The following UGT8 variants were observed in gnomAD, a reference collection of about 807,000 sequenced individuals.
The protein encoded by UGT8 is 2-hydroxyacylsphingosine 1-beta-galactosyltransferase.
UGT8 carries 12 observed loss-of-function variants against 40.5 expected under a neutral mutation model. The observed-to-expected ratio is 0.30, with a 90% CI of 0.19 to 0.48. The LOEUF (loss-of-function observed/expected upper bound fraction) is 0.48, where lower values mean the gene tolerates loss of function less well. Ranked by LOEUF, UGT8 falls within the 20% of genes least tolerant of loss-of-function variation. The pLI is 0.99. For missense variants in UGT8, 513 were observed against 648.7 expected, an observed-to-expected ratio of 0.79 and a Z score of 2.27; for synonymous variants, 224 against 240.4, an observed-to-expected ratio of 0.93 and a Z score of 0.63.
At chr4:114,670,594 G>C (rs1230898867) in intron 5 of UGT8, among the ~76,000 whole-genome samples, 1 of 151,974 alleles carries the variant, frequency 6.6e-6, no homozygotes, top group Non-Finnish European at 1.5e-5. Flanking sequence ...ATGCAGAAAA[G>C]CCTTTGATAA....
At chr4:114,661,818 T>C (rs916905718) in intron 2 of UGT8, among the ~76,000 whole-genome samples, 1 of 152,210 alleles carries the variant, frequency 6.6e-6, no homozygotes, top group Non-Finnish European at 1.5e-5. Flanking sequence ...TGAGATTTTT[T>C]CCTGAAGGAA....
chr4:114,675,902 T>C (rs370688424), intron 5 of UGT8, 23 bp from the exon 6 acceptor site: 3 of 1,579,024 alleles, frequency 1.9e-6, no homozygotes, highest in African/African-American at 2.7e-5. Context: ...ATCATCATTC[T>C]GTGTTTTGTC....
chr4:114,618,017 T>C (rs927094908), intron 1 of UGT8, among the ~76,000 whole-genome samples: 6 of 152,168 alleles, frequency 3.9e-5, no homozygotes, highest in African/African-American at 1.2e-4. Flanking sequence ...CATCTTTACT[T>C]TGTTATCATT....
intron 1 of UGT8, among the ~76,000 whole-genome samples, chr4:114,603,206 T>G (rs373218959): frequency 2.0e-5 from 3 of 152,064 alleles, no homozygotes. Flanking sequence ...AGAGTTCAGT[T>G]TTAGACATGT....
rs767207984 is a variant in UGT8 at position 114,665,762 on chromosome 4, T to C, written c.1042+6T>C. 6.9e-6 allele frequency: 11 copies of C among 1,601,580 alleles called. No individual in the cohort carries two copies. In the South Asian group the frequency reaches 1.2e-4, roughly 18 times the overall value. On this transcript the variant is annotated splice_donor_region_variant and intron_variant, in intron 4 of 5. Transcript: ENST00000310836. ...ACCACAAAATGACCTGCTTGGTAAG[T>C]CAATGATGTGTGGTTACTTACTTGG...
intron 1 of UGT8, among the ~76,000 whole-genome samples, chr4:114,611,993 G>A (rs1485321956): frequency 1.3e-5 from 2 of 152,070 alleles, no homozygotes; most frequent in African/African-American, 4.8e-5. Flanking sequence ...TGAAGTTTGA[G>A]ACCCACTTAT....
At position 114,676,191 on chromosome 4, in the gene UGT8, A is replaced by G. The variant is rs1234232861; in HGVS notation, c.1529A>G (p.Asn510Ser). The change falls in exon 6 of 6, where the codon AAT (asparagine) becomes AGT (serine). Residue 510 changes from asparagine to serine, a missense_variant. Physicochemically the swap from Asn to Ser is conservative, Grantham distance 46. Coordinates refer to ENST00000310836, the MANE Select transcript of UGT8 (RefSeq NM_001128174.3). ...YRKIKSLWSR[N>S]KHSTVNGHYH... Reference sequence around the variant, plus strand: ...AAAATCAAAAGTCTGTGGTCTAGAAATAAGCATAGCACAGTTAATGGACAT... The same window carrying G: ...AAAATCAAAAGTCTGTGGTCTAGAAGTAAGCATAGCACAGTTAATGGACAT... 1.2e-6 allele frequency: 2 copies of G among 1,614,192 alleles called. No homozygotes were observed. The highest frequency in any genetic ancestry group is 1.7e-6 in the Non-Finnish European group (2 of 1,180,018).
At chr4:114,620,379 A>G (rs1370357118) in intron 1 of UGT8, among the ~76,000 whole-genome samples, 2 of 152,230 alleles carry the variant, frequency 1.3e-5, no homozygotes, top group Non-Finnish European at 2.9e-5. Flanking sequence ...CCTGGAGTTC[A>G]TATTTCCTTG....
chr4:114,667,738 G>A (rs538932887), intron 4 of UGT8: 11 of 321,764 alleles, frequency 3.4e-5, no homozygotes, highest in Admixed American at 6.5e-5. Flanking sequence ...GTAGATGTCT[G>A]TTTTTTCACT....
chr4:114,645,359 A>G (rs889448621), intron 2 of UGT8, among the ~76,000 whole-genome samples: 4 of 152,184 alleles, frequency 2.6e-5, no homozygotes, highest in Non-Finnish European at 4.4e-5. Context: ...AGAAGTATTG[A>G]CAACCCCATT....
chr4:114,608,060 C>G (rs1730835757), intron 1 of UGT8, among the ~76,000 whole-genome samples: 1 of 152,136 alleles, frequency 6.6e-6, no homozygotes, highest in Non-Finnish European at 1.5e-5. Flanking sequence ...GCTTTCTGAT[C>G]AGACTTATTT....
chr4:114,670,171 A>G (rs918426376), intron 5 of UGT8, among the ~76,000 whole-genome samples: 1 of 152,108 alleles, frequency 6.6e-6, no homozygotes, highest in Admixed American at 6.6e-5. Context: ...CTTCAATAAA[A>G]TACTGGCAAA....
Position 114,623,434 on chromosome 4 carries a change from C to A in UGT8, c.554C>A (p.Thr185Lys), listed in dbSNP as rs1019501372. Residue 185 changes from threonine to lysine, a missense_variant, in exon 2 of 6, where the codon ACA (threonine) becomes AAA (lysine). Physicochemically the swap from Thr to Lys is moderately conservative, Grantham distance 78 (BLOSUM62 -1). This residue lies in a region of UGT8 where 335 missense variants were observed against 444.8 expected (regional missense o/e 0.75). Transcript: ENST00000310836. Reference sequence around the variant, plus strand: ...GTCCCAGAGTTTAACTCACTCCTCACAGACCGCATGAACTTGCTGCAAAGG... The same window carrying A: ...GTCCCAGAGTTTAACTCACTCCTCAAAGACCGCATGAACTTGCTGCAAAGG... Reference protein sequence around the residue: ...AYVPEFNSLLTDRMNLLQRMK... With the variant: ...AYVPEFNSLLKDRMNLLQRMK... 1.9e-6 allele frequency: 3 copies of A among 1,614,088 alleles called. No individual in the cohort carries two copies. Among genetic ancestry groups the A allele is most frequent in the Non-Finnish European group, 2.5e-6 (3 of 1,180,030 alleles).
intron 5 of UGT8, among the ~76,000 whole-genome samples, chr4:114,675,401 C>G (rs1002783593): frequency 3.9e-5 from 6 of 152,120 alleles, no homozygotes; most frequent in African/African-American, 1.4e-4. Context: ...CTCCGATTTT[C>G]ATTTTTCTCA....
At chr4:114,633,045 T>G (rs561160268) in intron 2 of UGT8, among the ~76,000 whole-genome samples, 1 of 152,310 alleles carries the variant, frequency 6.6e-6, no homozygotes, top group African/African-American at 2.4e-5. Context: ...TTTTTTTCAC[T>G]ACAAAGTCCT....
At chr4:114,646,339 TTA>T (rs557043152) in intron 2 of UGT8, among the ~76,000 whole-genome samples, 3 of 151,154 alleles carry the variant, frequency 2.0e-5, no homozygotes, top group Admixed American at 6.6e-5. Flanking sequence ...CAGATGAACA[TTA>T]TATATATATA....
At chr4:114,632,130 G>A (rs1362627612) in intron 2 of UGT8, among the ~76,000 whole-genome samples, 1 of 152,154 alleles carries the variant, frequency 6.6e-6, no homozygotes, top group East Asian at 1.9e-4. Flanking sequence ...TGGTAAAGCA[G>A]CATTTATTGC....
intron 1 of UGT8, among the ~76,000 whole-genome samples, chr4:114,609,259 A>G (rs1730903789): frequency 6.6e-6 from 1 of 152,220 alleles, no homozygotes; most frequent in Non-Finnish European, 1.5e-5. Flanking sequence ...TCTTAAAAAA[A>G]GAATATATTT....
intron 2 of UGT8, among the ~76,000 whole-genome samples, chr4:114,628,240 A>G (rs1409075464): frequency 6.6e-6 from 1 of 152,076 alleles, no homozygotes; most frequent in East Asian, 1.9e-4. Context: ...CTTGGGTTCA[A>G]GCAATTCTCC....
Sources: allele counts gnomAD v4.1 joint callset (sites outside exome capture counted in the v4.1 genomes callset), GRCh38; gene constraint gnomAD v4.1.1; regional missense constraint gnomAD v4.1.1; transcripts MANE v1.5; gene names NCBI Gene and HGNC (gene_info 2026-07-23, HGNC 2026-07-21).